Variants in NLGN4X observed in about 807,000 individuals in gnomAD.
NLGN4X encodes the protein neuroligin-4, X-linked.
A neutral mutation model predicts 40.3 loss-of-function variants in NLGN4X; 3 were observed. That is an observed-to-expected ratio of 0.07 (90% confidence interval 0.03 to 0.19). The LOEUF (loss-of-function observed/expected upper bound fraction) is 0.19. Ranked by LOEUF, NLGN4X falls within the 10% of genes least tolerant of loss-of-function variation. NLGN4X has a pLI of 1.00. For synonymous variants in NLGN4X, 270 were observed against 306.8 expected (o/e 0.88, Z 1.25); for missense variants, 382 against 708.3 (o/e 0.54, Z 5.23).
intron 1 of NLGN4X, among the ~76,000 whole-genome samples, chrX:6,191,767 G>A (rs1261092164): frequency 2.7e-5 from 3 of 111,541 alleles, no homozygotes; most frequent in Non-Finnish European, 5.6e-5. Context: ...GCTGAGGCAG[G>A]AGAATCACTT....
At chrX:6,187,940 T>A (rs1482726010) in intron 1 of NLGN4X, among the ~76,000 whole-genome samples, 1 of 112,487 alleles carries the variant, frequency 8.9e-6, no homozygotes, top group Non-Finnish European at 1.9e-5. Flanking sequence ...AGTTACATTT[T>A]AAAAAAATTA....
At chrX:6,118,578 T>C (rs781072478) in intron 2 of NLGN4X, among the ~76,000 whole-genome samples, 3 of 111,800 alleles carry the variant, frequency 2.7e-5, no homozygotes, top group African/African-American at 9.7e-5. Flanking sequence ...ATGGCTTATC[T>C]ATCAGCTCTC....
chrX:5,958,810 C>T (rs1481145881), intron 3 of NLGN4X, among the ~76,000 whole-genome samples: 2 of 112,213 alleles, frequency 1.8e-5, no homozygotes, highest in East Asian at 2.8e-4. Flanking sequence ...TACAGGCTAT[C>T]GCAGTTTTAA....
At chrX:6,142,582 C>T (rs2039970706) in intron 2 of NLGN4X, among the ~76,000 whole-genome samples, 2 of 112,454 alleles carry the variant, frequency 1.8e-5, no homozygotes, top group South Asian at 7.3e-4. Context: ...GTTAAAACAT[C>T]TGTCTCACCG....
rs1343315252 is a variant in NLGN4X, at chrX:6,082,950, TTTTTTC to T, written c.473-53524_473-53519del. 3.0e-3 allele frequency among the ~76,000 whole-genome samples: 196 copies of T among 65,494 alleles called. 7 individuals are homozygous for T. Among genetic ancestry groups the T allele is most frequent in the African/African-American group, 9.2e-3 (171 of 18,559 alleles). The allele number at this position is 65,494 out of a possible 115,157, so 56.9% of individuals were successfully genotyped here. ...AAAAAGAGATTTTGCCATGATGCGTTTTTTTCTTTTTTTTTTTTTTTTTTTTTGAGA... is the reference window on the plus strand; with the variant it reads ...AAAAAGAGATTTTGCCATGATGCGTTTTTTTTTTTTTTTTTTTTTTTGAGA... On this transcript the variant is annotated intron_variant, in intron 2 of 5. Transcript: ENST00000381095.
At chrX:6,062,702 T>C (rs2037800972) in intron 2 of NLGN4X, among the ~76,000 whole-genome samples, 1 of 110,135 alleles carries the variant, frequency 9.1e-6, no homozygotes. Flanking sequence ...CTGGTGATAG[T>C]GAGTAAGTAT....
At chrX:5,972,339 T>A (rs2147026700) in intron 3 of NLGN4X, among the ~76,000 whole-genome samples, 1 of 111,430 alleles carries the variant, frequency 9.0e-6, no homozygotes, top group South Asian at 3.8e-4. Flanking sequence ...CCCCATTTAT[T>A]ATACTGATTT....
intron 3 of NLGN4X, among the ~76,000 whole-genome samples, chrX:5,925,881 C>CACAT (rs2033272520): frequency 3.1e-4 from 6 of 19,510 alleles, no homozygotes; most frequent in Non-Finnish European, 6.3e-4. Flanking sequence ...TACATACACA[C>CACAT]ATATATATAT....
intron 1 of NLGN4X, among the ~76,000 whole-genome samples, chrX:6,223,442 G>A (rs1925884376): frequency 8.9e-6 from 1 of 112,239 alleles, no homozygotes. Flanking sequence ...ACCACCTGCA[G>A]AGGGAAAGCC....
intron 2 of NLGN4X, among the ~76,000 whole-genome samples, chrX:6,102,459 G>A (rs1046803673): frequency 9.0e-6 from 1 of 110,991 alleles, no homozygotes; most frequent in Non-Finnish European, 1.9e-5. Context: ...ACTATGTGAG[G>A]ACACAGTGAG....
At chrX:5,990,872 C>T (rs1245323510) in intron 3 of NLGN4X, among the ~76,000 whole-genome samples, 1 of 112,061 alleles carries the variant, frequency 8.9e-6, no homozygotes, top group African/African-American at 3.3e-5. Context: ...TACGGCCCCA[C>T]AGGTACTCAG....
chrX:5,926,789 TACACACACAC>T (rs3072083), intron 3 of NLGN4X, among the ~76,000 whole-genome samples: 7 of 93,055 alleles, frequency 7.5e-5, no homozygotes, highest in African/African-American at 1.6e-4. Context: ...CTAGAGAGCA[TACACACACAC>T]ACACACACAC....
intron 3 of NLGN4X, among the ~76,000 whole-genome samples, chrX:5,940,514 C>T (rs2033886862): frequency 9.2e-6 from 1 of 109,035 alleles, no homozygotes; most frequent in Non-Finnish European, 1.9e-5. Context: ...TTGTGAAGAT[C>T]TGATGCTGCA....
At chrX:6,034,406 T>G (rs758980309) in intron 2 of NLGN4X, among the ~76,000 whole-genome samples, 1 of 112,629 alleles carries the variant, frequency 8.9e-6, no homozygotes, top group South Asian at 3.7e-4. Flanking sequence ...ACATTTGGTT[T>G]ATTTCTACTT....
At chrX:6,213,043 C>T (rs1924756143) in intron 1 of NLGN4X, among the ~76,000 whole-genome samples, 1 of 110,519 alleles carries the variant, frequency 9.0e-6, no homozygotes, top group Non-Finnish European at 1.9e-5. Flanking sequence ...CACCCCCACC[C>T]CACTTTAGGG....
intron 3 of NLGN4X, among the ~76,000 whole-genome samples, chrX:6,018,431 G>A (rs1394888386): frequency 8.9e-6 from 1 of 111,844 alleles, no homozygotes; most frequent in Non-Finnish European, 1.9e-5. Flanking sequence ...GTTTTCTTGT[G>A]TACAAATCGT....
chrX:6,114,211 T>C (rs774535980), intron 2 of NLGN4X, among the ~76,000 whole-genome samples: 67 of 111,867 alleles, frequency 6.0e-4, no homozygotes, highest in Non-Finnish European at 1.5e-4. Flanking sequence ...TAGATTTAAA[T>C]CCTCAGAGAC....
chrX:6,039,204 C>A (rs59980820), intron 2 of NLGN4X, among the ~76,000 whole-genome samples: 46,665 of 109,886 alleles, frequency 0.42, 7,433 homozygotes, highest in Admixed American at 0.5. Flanking sequence ...GACTCAAATC[C>A]CCTGTACCTA....
intron 2 of NLGN4X, among the ~76,000 whole-genome samples, chrX:6,072,187 A>G (rs2038080777): frequency 1.8e-5 from 2 of 111,110 alleles, no homozygotes; most frequent in African/African-American, 6.6e-5. Flanking sequence ...TATCTTCAGC[A>G]TGCCTTTTTT....
Sources: gnomAD v4.1 joint callset for allele counts (sites outside exome capture counted in the v4.1 genomes callset) on GRCh38, gnomAD v4.1.1 for gene constraint, MANE v1.5 for transcripts, NCBI Gene and HGNC (gene_info 2026-07-23, HGNC 2026-07-21) for gene names.